Variants in NEO1 observed in about 807,000 individuals in gnomAD.
NEO1 encodes neogenin.
Under a neutral mutation model 159.7 loss-of-function variants are expected in NEO1, and 63 were observed. The ratio of observed to expected loss-of-function variants is 0.39; its 90% confidence interval spans 0.32 to 0.49. The LOEUF (loss-of-function observed/expected upper bound fraction) is 0.49, where lower values mean the gene tolerates loss of function less well. NEO1 is among the 20% of genes least tolerant of loss of function. The probability of loss-of-function intolerance (pLI) is 0.85; values close to 1 mark genes in which losing one functional copy is unlikely to be tolerated. For synonymous variants in NEO1, 633 were observed against 662.0 expected, an observed-to-expected ratio of 0.96 and a Z score of 0.67; for missense variants, 1,615 against 1,831.0, an observed-to-expected ratio of 0.88 and a Z score of 2.15.
chr15:73,066,320 C>CTTTT (rs35179965), intron 1 of NEO1, among the ~76,000 whole-genome samples: 4 of 110,226 alleles, frequency 3.6e-5, no homozygotes, highest in African/African-American at 1.4e-4. Context: ...CACCTGGCCT[C>CTTTT]TTTTTTTTTT....
At chr15:73,126,751 G>C (rs1204914080) in intron 4 of NEO1, 181 bp downstream of exon 4, 1 of 513,512 alleles carries the variant, frequency 1.9e-6, no homozygotes, top group Non-Finnish European at 3.2e-6. Flanking sequence ...TAAAGAAAAA[G>C]ATACTTTCAA....
At chr15:73,194,593 G>A (rs1217537099) in intron 7 of NEO1, among the ~76,000 whole-genome samples, 1 of 152,182 alleles carries the variant, frequency 6.6e-6, no homozygotes, top group African/African-American at 2.4e-5. Context: ...GTGCAAGAAA[G>A]ACATCAGGCC....
At chr15:73,276,369 C>G (rs2041424871) in intron 21 of NEO1, among the ~76,000 whole-genome samples, 1 of 152,194 alleles carries the variant, frequency 6.6e-6, no homozygotes, top group Admixed American at 6.5e-5. Context: ...TAAATGTAGC[C>G]TAGCTGTCAA....
At chr15:73,217,799 T>C in intron 7 of NEO1, among the ~76,000 whole-genome samples, 1 of 152,256 alleles carries the variant, frequency 6.6e-6, no homozygotes, top group Non-Finnish European at 1.5e-5. Context: ...TTTGCTGAAG[T>C]TGCTTATCAG....
chr15:73,073,213 A>G (rs776040243), intron 1 of NEO1, among the ~76,000 whole-genome samples: 3 of 152,182 alleles, frequency 2.0e-5, no homozygotes, highest in Admixed American at 1.3e-4. Context: ...CACAGGAACC[A>G]AGGAGGAGAG....
At position 73,253,396 on chromosome 15, in the gene NEO1, C is replaced by G. The variant is rs78058387; in HGVS notation, c.1895-4C>G. 13 of 1,465,528 alleles carry G rather than the reference C, an allele frequency of 8.9e-6. No individual in the cohort carries two copies. The South Asian group carries it at 9.3e-5, about 11-fold the overall frequency. 90.8% of individuals were successfully genotyped at this position (1,465,528 alleles called of 1,614,324 possible). A position where few individuals can be genotyped will look rare whatever the true frequency, so the allele number is the denominator to read the frequency against. The stretch of plus-strand genomic sequence containing the variant: ...AAATTTTTTTTTTTTTTTTGTTTCT[C>G]TAGTTCCCAGTGCTGCTCCTCAGAA... On this transcript the variant is annotated splice_region_variant and splice_polypyrimidine_tract_variant and intron_variant, in intron 11 of 28. Transcript: ENST00000261908.
Position 73,201,488 on chromosome 15 carries a change from C to CT in NEO1, c.1291+23062dup, listed in dbSNP as rs531786589. The stretch of plus-strand genomic sequence containing the variant: ...GTATATTTTATGTCCCAGATGTTGT[C>CT]TATCTTGGTGAATTTCCATGCAAGC... On this transcript the variant is annotated intron_variant, in intron 7 of 28. Coordinates refer to ENST00000261908, the MANE Select transcript of NEO1 (RefSeq NM_002499.4). Among the ~76,000 whole-genome samples the CT allele has an allele frequency of 3.6e-4, 55 of 152,118 alleles. 1 individual carries two copies. The South Asian group carries it at 0.011, about 30-fold the overall frequency.
chr15:73,095,356 CTG>C (rs2069954694), intron 1 of NEO1, among the ~76,000 whole-genome samples: 1 of 152,128 alleles, frequency 6.6e-6, no homozygotes, highest in African/African-American at 2.4e-5. Context: ...GCGACAGCAA[CTG>C]TGTGTAGCCT....
chr15:73,186,878 C>T (rs1442909725), intron 7 of NEO1, among the ~76,000 whole-genome samples: 2 of 152,068 alleles, frequency 1.3e-5, no homozygotes, highest in East Asian at 1.9e-4. Flanking sequence ...ACCATTCTAG[C>T]GCAAAAGCCA....
intron 12 of NEO1, 111 bp downstream of exon 12, chr15:73,253,560 T>C: frequency 1.5e-6 from 1 of 665,496 alleles, no homozygotes; most frequent in East Asian, 2.7e-5. Context: ...TGAATGGCGA[T>C]GTGGTAATAA....
At chr15:73,111,282 TTTA>T (rs1230252833) in intron 1 of NEO1, among the ~76,000 whole-genome samples, 14 of 152,224 alleles carry the variant, frequency 9.2e-5, no homozygotes, top group Admixed American at 7.9e-4. Context: ...ACGTACATTT[TTTA>T]TTATTTATGT....
intron 23 of NEO1, among the ~76,000 whole-genome samples, chr15:73,284,447 A>G (rs1350363664): frequency 6.6e-6 from 1 of 152,156 alleles, no homozygotes; most frequent in Non-Finnish European, 1.5e-5. Flanking sequence ...TTTGTAAGTT[A>G]TGTGATATTT....
At chr15:73,116,494 A>C (rs759635229) in intron 1 of NEO1, 46 bp from the exon 2 acceptor site, 2 of 1,453,466 alleles carry the variant, frequency 1.4e-6, no homozygotes, top group Non-Finnish European at 1.8e-6. Flanking sequence ...GACAAATAAT[A>C]GAAGAGAGAT....
intron 5 of NEO1, among the ~76,000 whole-genome samples, chr15:73,145,628 G>A (rs1390528973): frequency 6.6e-6 from 1 of 152,170 alleles, no homozygotes; most frequent in Non-Finnish European, 1.5e-5. Context: ...TTGTTAAATG[G>A]CAAGAGAAAA....
intron 1 of NEO1, among the ~76,000 whole-genome samples, chr15:73,076,874 A>T (rs902098748): frequency 6.6e-6 from 1 of 152,152 alleles, no homozygotes; most frequent in South Asian, 2.1e-4. Context: ...TTATAAGACA[A>T]CTGTGTTTTC....
chr15:73,065,370 G>A lies in NEO1; in HGVS notation c.130+12565G>A, dbSNP rs79678698. Among the ~76,000 whole-genome samples, 1,304 of 150,900 alleles carry A rather than the reference G, an allele frequency of 8.6e-3. 23 individuals carry two copies. The highest frequency in any genetic ancestry group is 0.03 in the African/African-American group (1,229 of 41,030). ...CTTTCTGCCTGGAGAATATAATTTAGCATTTAGTTAGGTTTGTTGGAGATG... is the reference window on the plus strand; with the variant it reads ...CTTTCTGCCTGGAGAATATAATTTAACATTTAGTTAGGTTTGTTGGAGATG... On this transcript the variant is annotated intron_variant, in intron 1 of 28. Coordinates refer to ENST00000261908, the MANE Select transcript of NEO1 (RefSeq NM_002499.4).
intron 7 of NEO1, among the ~76,000 whole-genome samples, chr15:73,216,597 G>T (rs1321050479): frequency 6.6e-6 from 1 of 152,128 alleles, no homozygotes; most frequent in South Asian, 2.1e-4. Flanking sequence ...AGCACCTGTT[G>T]TTTCCTGACT....
chr15:73,147,857 A>G (rs2033042272), intron 5 of NEO1, among the ~76,000 whole-genome samples: 1 of 150,440 alleles, frequency 6.6e-6, no homozygotes. Context: ...TATGTCGCCC[A>G]GGCTGGAGTG....
chr15:73,255,968 T>C (rs1055804963), intron 13 of NEO1: 1 of 152,164 alleles, frequency 6.6e-6, no homozygotes, highest in East Asian at 1.9e-4. Flanking sequence ...CTCGGGTAAT[T>C]TTTTTGCTAG....
Sources: gnomAD v4.1 joint callset for allele counts (sites outside exome capture counted in the v4.1 genomes callset) on GRCh38, gnomAD v4.1.1 for gene constraint, MANE v1.5 for transcripts, NCBI Gene and HGNC (gene_info 2026-07-23, HGNC 2026-07-21) for gene names.